GRIK4: variants seen among roughly 807,000 people sequenced by gnomAD.
GRIK4 encodes glutamate receptor ionotropic, kainate 4.
Under a neutral mutation model 104.9 loss-of-function variants are expected in GRIK4, and 40 were observed. That is an observed-to-expected ratio of 0.38 (90% CI 0.30 to 0.50). The LOEUF is 0.50. Ranked by LOEUF, GRIK4 falls within the 20% of genes least tolerant of loss-of-function variation. The pLI, the probability that GRIK4 is intolerant of heterozygous loss-of-function variation, is 0.93. For synonymous variants in GRIK4, 485 were observed against 524.9 expected (o/e 0.92, Z 1.04); for missense variants, 1,047 against 1,308.1 (o/e 0.80, Z 3.08).
At chr11:120,550,155 G>A (rs569352144) in intron 1 of GRIK4, among the ~76,000 whole-genome samples, 1 of 152,098 alleles carries the variant, frequency 6.6e-6, no homozygotes, top group South Asian at 2.1e-4. Flanking sequence ...AGCGTCACAG[G>A]GGGAAGAAGG....
chr11:120,785,099 C>T (rs1682441722), intron 3 of GRIK4, among the ~76,000 whole-genome samples: 2 of 152,156 alleles, frequency 1.3e-5, no homozygotes, highest in Non-Finnish European at 2.9e-5. Flanking sequence ...CACTCTGTCC[C>T]ATAAGTCGTC....
At chr11:120,904,067 C>G (rs1942810475) in intron 12 of GRIK4, among the ~76,000 whole-genome samples, 1 of 152,148 alleles carries the variant, frequency 6.6e-6, no homozygotes, top group Admixed American at 6.5e-5. Context: ...CTCTCTAAGA[C>G]CAGGTTCTCC....
chr11:120,535,947 C>T (rs1443839030), intron 1 of GRIK4, among the ~76,000 whole-genome samples: 3 of 152,210 alleles, frequency 2.0e-5, no homozygotes, highest in East Asian at 3.8e-4. Flanking sequence ...TTCACTGGTT[C>T]CTCCTGGCCA....
At chr11:120,706,728 A>C (rs1950637118) in intron 3 of GRIK4, among the ~76,000 whole-genome samples, 1 of 152,142 alleles carries the variant, frequency 6.6e-6, no homozygotes. Context: ...AGGTTGAGAG[A>C]AGGGAGCGTA....
intron 8 of GRIK4, 25 bp from the exon 9 acceptor site, chr11:120,861,934 T>C (rs1954276463): frequency 1.3e-6 from 2 of 1,595,896 alleles, no homozygotes; most frequent in Admixed American, 1.7e-5. Flanking sequence ...ACTACATTCT[T>C]ATTTCTGATG....
At chr11:120,959,851 T>G (rs1944249739) in intron 16 of GRIK4, among the ~76,000 whole-genome samples, 1 of 152,178 alleles carries the variant, frequency 6.6e-6, no homozygotes, top group African/African-American at 2.4e-5. Flanking sequence ...TTGTTACAAT[T>G]TACAGAACTG....
At chr11:120,865,140 T>C (rs944291915) in intron 9 of GRIK4, among the ~76,000 whole-genome samples, 5 of 152,056 alleles carry the variant, frequency 3.3e-5, no homozygotes, top group Admixed American at 6.5e-5. Context: ...GCTACATAAA[T>C]ACTGTGTAAC....
intron 1 of GRIK4, among the ~76,000 whole-genome samples, chr11:120,652,623 C>G (rs888685426): frequency 1.3e-5 from 2 of 151,854 alleles, no homozygotes; most frequent in African/African-American, 2.4e-5. Context: ...TTTTGAGGAG[C>G]CTGGAGCATC....
chr11:120,588,931 C>G (rs1948702704), intron 1 of GRIK4, among the ~76,000 whole-genome samples: 1 of 152,124 alleles, frequency 6.6e-6, no homozygotes. Flanking sequence ...TTGGCTGGGT[C>G]TGGAAAGTCT....
chr11:120,523,830 C>T (rs370629847), intron 1 of GRIK4, among the ~76,000 whole-genome samples: 5 of 151,470 alleles, frequency 3.3e-5, no homozygotes, highest in African/African-American at 9.7e-5. Context: ...CAAGGTCAGG[C>T]CACCCTTGGA....
chr11:120,693,780 T>C (rs1418666093), intron 3 of GRIK4, among the ~76,000 whole-genome samples: 1 of 152,142 alleles, frequency 6.6e-6, no homozygotes, highest in African/African-American at 2.4e-5. Context: ...GAGGCATAAA[T>C]AGCTCCCATT....
intron 1 of GRIK4, among the ~76,000 whole-genome samples, chr11:120,648,900 C>G (rs900557282): frequency 1.3e-5 from 2 of 152,170 alleles, no homozygotes; most frequent in East Asian, 1.9e-4. Context: ...GAATGAAAAG[C>G]AAGTCTACTT....
chr11:120,613,882 C>T (rs749349908), intron 1 of GRIK4, among the ~76,000 whole-genome samples: 107 of 152,316 alleles, frequency 7.0e-4, no homozygotes, highest in Middle Eastern at 3.4e-3. Flanking sequence ...ATCCTTCTGG[C>T]AAAGTTGCCA....
At chr11:120,705,779 T>C (rs1950620727) in intron 3 of GRIK4, among the ~76,000 whole-genome samples, 1 of 152,226 alleles carries the variant, frequency 6.6e-6, no homozygotes, top group Admixed American at 6.5e-5. Flanking sequence ...CTATCGTAAA[T>C]GGAAATATTT....
intron 11 of GRIK4, among the ~76,000 whole-genome samples, chr11:120,891,754 A>G (rs1955304796): frequency 6.6e-6 from 1 of 152,212 alleles, no homozygotes; most frequent in African/African-American, 2.4e-5. Flanking sequence ...GTTTGGAAGG[A>G]AAAGAACGTG....
chr11:120,662,234 A>G (rs1949829311), intron 3 of GRIK4, among the ~76,000 whole-genome samples: 1 of 152,084 alleles, frequency 6.6e-6, no homozygotes, highest in African/African-American at 2.4e-5. Context: ...ACTCTGAACA[A>G]TGCTTGTTCA....
At chr11:120,701,951 C>A (rs1388269169) in intron 3 of GRIK4, among the ~76,000 whole-genome samples, 1 of 92,086 alleles carries the variant, frequency 1.1e-5, no homozygotes, top group Non-Finnish European at 2.0e-5. Flanking sequence ...TGATTCCAAG[C>A]TTTTTTTTTT....
chr11:120,964,668 T>C (rs1364987455), intron 18 of GRIK4, among the ~76,000 whole-genome samples: 1 of 152,166 alleles, frequency 6.6e-6, no homozygotes, highest in Non-Finnish European at 1.5e-5. Flanking sequence ...AGACCACAAC[T>C]CTAGAAATTT....
chr11:120,954,574 GAA>G (rs748169057), intron 15 of GRIK4, among the ~76,000 whole-genome samples: 1 of 152,064 alleles, frequency 6.6e-6, no homozygotes, highest in African/African-American at 2.4e-5. Flanking sequence ...CAAGGGCCCT[GAA>G]AAGTCTTGGG....
Sources: gnomAD v4.1 joint callset for allele counts (sites outside exome capture counted in the v4.1 genomes callset) on GRCh38, gnomAD v4.1.1 for gene constraint, MANE v1.5 for transcripts, NCBI Gene and HGNC (gene_info 2026-07-23, HGNC 2026-07-21) for gene names.